MALT1: variants seen among roughly 807,000 people sequenced by gnomAD.
MALT1 encodes mucosa-associated lymphoid tissue lymphoma translocation protein 1.
Under a neutral mutation model 85.5 loss-of-function variants are expected in MALT1, and 36 were observed. The observed-to-expected ratio is 0.42, with a 90% CI of 0.32 to 0.56. The LOEUF (loss-of-function observed/expected upper bound fraction) is 0.56, where lower values mean the gene tolerates loss of function less well. Ranked by LOEUF, MALT1 falls within the 20% of genes least tolerant of loss-of-function variation. The pLI is 0.10. For synonymous variants in MALT1, 359 were observed against 361.3 expected (o/e 0.99, Z 0.07); for missense variants, 716 against 981.6 (o/e 0.73, Z 3.62).
chr18:58,735,449 C>A, intron 13 of MALT1, 120 bp downstream of exon 13: 1 of 1,033,030 alleles, frequency 9.7e-7, no homozygotes, highest in Non-Finnish European at 1.3e-6. Flanking sequence ...GAATTAGTAC[C>A]TACTTTATAA....
Position 58,754,234 on chromosome 18 carries a change from G to A in MALT1, c.*6392G>A, listed in dbSNP as rs1020465803. On this transcript the variant is annotated 3_prime_UTR_variant, in exon 17 of 17. Coordinates refer to ENST00000649217, the MANE Select transcript of MALT1 (RefSeq NM_006785.4). ...CCACAGTACTGCTGCTGCTTATACC[G>A]TAACGGGAAAAGTACACAACAGTGT... is the stretch of plus-strand genomic sequence containing the variant. 4.6e-5 allele frequency: 7 copies of A among 152,138 alleles called. No individual in the cohort carries two copies. Among genetic ancestry groups the A allele is most frequent in the African/African-American group, 7.2e-5 (3 of 41,412 alleles). 9.4% of individuals were successfully genotyped at this position (152,138 alleles called of 1,614,324 possible).
At chr18:58,736,461 AAAG>A (rs2055223104) in intron 13 of MALT1, among the ~76,000 whole-genome samples, 1 of 152,092 alleles carries the variant, frequency 6.6e-6, no homozygotes, top group Non-Finnish European at 1.5e-5. Flanking sequence ...AAAAAGAAAG[AAAG>A]AAAACCTTTG....
chr18:58,685,019 G>A (rs1479376541), intron 2 of MALT1, among the ~76,000 whole-genome samples: 1 of 152,068 alleles, frequency 6.6e-6, no homozygotes, highest in Non-Finnish European at 1.5e-5. Context: ...TCATAGTTTA[G>A]TAGGGGAGAC....
chr18:58,743,237 A>C (rs1357325637), intron 14 of MALT1, among the ~76,000 whole-genome samples: 1 of 152,020 alleles, frequency 6.6e-6, no homozygotes, highest in East Asian at 1.9e-4. Context: ...TTAGCTGGTC[A>C]TGGTGGCAGG....
chr18:58,710,795 G>A (rs1217897419), intron 6 of MALT1, 126 bp from the exon 7 acceptor site: 8 of 628,534 alleles, frequency 1.3e-5, no homozygotes, highest in African/African-American at 3.9e-5. Context: ...TTCATAGTTG[G>A]AGGTATTGAT....
At chr18:58,699,322 C>T (rs2054638646) in intron 3 of MALT1, among the ~76,000 whole-genome samples, 1 of 152,144 alleles carries the variant, frequency 6.6e-6, no homozygotes, top group Non-Finnish European at 1.5e-5. Flanking sequence ...CATCAATAGT[C>T]TAGAAGGAAA....
At chr18:58,745,516 T>C (rs570225223) in intron 15 of MALT1, 150 bp from the exon 16 acceptor site, 8 of 603,370 alleles carry the variant, frequency 1.3e-5, no homozygotes, top group South Asian at 1.1e-4. Context: ...GTTTTCATTG[T>C]TTAGTCCTGG....
chr18:58,705,000 CCT>C (rs1390940552), intron 4 of MALT1, among the ~76,000 whole-genome samples: 1 of 151,940 alleles, frequency 6.6e-6, no homozygotes, highest in African/African-American at 2.4e-5. Flanking sequence ...CCTTTCCTGA[CCT>C]CTTTTGGACT....
At chr18:58,708,882 T>A (rs1270124853) in intron 4 of MALT1, among the ~76,000 whole-genome samples, 1 of 152,192 alleles carries the variant, frequency 6.6e-6, no homozygotes, top group Non-Finnish European at 1.5e-5. Context: ...GTAAATGATG[T>A]CTAATATCTG....
Position 58,735,063 on chromosome 18 carries a change from C to T in MALT1, c.1476-139C>T, listed in dbSNP as rs562751768. On this transcript the variant is annotated intron_variant, in intron 12 of 16. Transcript: ENST00000649217. ...GTGACTAACAGTCCCCACGCTGTCC[C>T]CACCCCCCCCCAGCCTCTGGTAACC... 73 of 527,870 alleles carry T rather than the reference C, an allele frequency of 1.4e-4. No individual in the cohort carries two copies. The African/African-American group carries it at 4.0e-3, about 29-fold the overall frequency. The allele number at this position is 527,870 out of a possible 1,614,324, so 32.7% of individuals were successfully genotyped here.
chr18:58,726,996 T>C (rs1169962958), intron 10 of MALT1, among the ~76,000 whole-genome samples: 1 of 152,224 alleles, frequency 6.6e-6, no homozygotes, highest in Non-Finnish European at 1.5e-5. Context: ...GTTCTTTAAC[T>C]TTTCTAAGCC....
chr18:58,687,531 A>G (rs999742543), intron 2 of MALT1, among the ~76,000 whole-genome samples: 1 of 152,238 alleles, frequency 6.6e-6, no homozygotes, highest in Non-Finnish European at 1.5e-5. Context: ...GGCACACTGT[A>G]GGGCATGTGG....
intron 4 of MALT1, among the ~76,000 whole-genome samples, chr18:58,702,990 G>A (rs890827843): frequency 5.9e-5 from 9 of 152,204 alleles, no homozygotes; most frequent in Non-Finnish European, 1.3e-4. Flanking sequence ...TGTTAAAAGA[G>A]TTAAAATGCT....
chr18:58,728,178 G>C (rs554032322), intron 10 of MALT1, among the ~76,000 whole-genome samples: 1 of 152,294 alleles, frequency 6.6e-6, no homozygotes, highest in African/African-American at 2.4e-5. Context: ...CTAATTTGCA[G>C]AATTGTATTT....
Position 58,742,028 on chromosome 18 carries a change from C to A in MALT1, c.1753+14C>A. ...CCAAGGCTCATGGTACGGTAAAGCC[C>A]ATTTTTTGTTAGATCTACAATATAC... On this transcript the variant is annotated intron_variant, in intron 14 of 16. Coordinates refer to ENST00000649217, the MANE Select transcript of MALT1 (RefSeq NM_006785.4). The A allele has an allele frequency of 6.8e-7, 1 of 1,474,240 alleles. No individual in the cohort carries two copies. The highest frequency in any genetic ancestry group is 9.2e-7 in the Non-Finnish European group (1 of 1,090,952). The allele number at this position is 1,474,240 out of a possible 1,614,324, so 91.3% of individuals were successfully genotyped here.
At position 58,687,895 on chromosome 18, in the gene MALT1, C is replaced by T. The variant is rs148174712; in HGVS notation, c.376+6559C>T. Among the ~76,000 whole-genome samples, 432 of 152,296 alleles carry T rather than the reference C, an allele frequency of 2.8e-3. 1 individual carries two copies. Among genetic ancestry groups the T allele is most frequent in the Non-Finnish European group, 4.6e-3 (316 of 68,022 alleles). ...TTGAAAGCACGATCCTTGGTTCCAT[C>T]GTACCTAGTCACATTCTCCCAGGCT... On this transcript the variant is annotated intron_variant, in intron 2 of 16. Coordinates refer to ENST00000649217, the MANE Select transcript of MALT1 (RefSeq NM_006785.4).
intron 4 of MALT1, among the ~76,000 whole-genome samples, chr18:58,706,176 C>T (rs1028931451): frequency 1.3e-5 from 2 of 151,578 alleles, no homozygotes; most frequent in South Asian, 2.1e-4. Context: ...TTAGTAGAGA[C>T]GGGGTGAGTC....
intron 13 of MALT1, among the ~76,000 whole-genome samples, chr18:58,737,935 G>A (rs1489048884): frequency 6.6e-6 from 1 of 152,148 alleles, no homozygotes; most frequent in African/African-American, 2.4e-5. Flanking sequence ...AGGTAAATTG[G>A]TTGTTATAAT....
intron 2 of MALT1, among the ~76,000 whole-genome samples, chr18:58,682,121 A>G (rs2054331192): frequency 6.6e-6 from 1 of 152,200 alleles, no homozygotes; most frequent in South Asian, 2.1e-4. Context: ...TGGAAAGACA[A>G]AGGACCTGAT....
Sources: gnomAD v4.1 joint callset for allele counts (sites outside exome capture counted in the v4.1 genomes callset) on GRCh38, gnomAD v4.1.1 for gene constraint, MANE v1.5 for transcripts, NCBI Gene and HGNC (gene_info 2026-07-23, HGNC 2026-07-21) for gene names.